The following ANK2 variants were observed in gnomAD, a reference collection of about 807,000 sequenced individuals.
ANK2 encodes ankyrin-2.
Under a neutral mutation model 360.5 loss-of-function variants are expected in ANK2, and 83 were observed. That is an observed-to-expected ratio of 0.23 (90% CI 0.19 to 0.28). The LOEUF (loss-of-function observed/expected upper bound fraction) is 0.28, where lower values mean the gene tolerates loss of function less well. Ranked by LOEUF, ANK2 falls within the 10% of genes least tolerant of loss-of-function variation. ANK2 has a pLI of 1.00. For synonymous variants in ANK2, 1,740 were observed against 1,759.5 expected, an observed-to-expected ratio of 0.99 and a Z score of 0.28; for missense variants, 4,201 against 4,795.7, an observed-to-expected ratio of 0.88 and a Z score of 3.66.
At chr4:112,768,072 T>C in the ANK2 span, among the ~76,000 whole-genome samples, 11 of 152,110 alleles carry the variant, frequency 7.2e-5, no homozygotes, top group Non-Finnish European at 1.5e-4. Flanking sequence ...GCAAGATTTG[T>C]TGAGTGGCTG....
the ANK2 span, among the ~76,000 whole-genome samples, chr4:112,759,583 C>T: frequency 1.3e-5 from 2 of 152,298 alleles, no homozygotes; most frequent in African/African-American, 4.8e-5. Context: ...TAAATTCCAT[C>T]TCAATAGTGT....
chr4:112,841,461 G>C (rs975357890), intron 1 of ANK2, among the ~76,000 whole-genome samples: 33 of 152,186 alleles, frequency 2.2e-4, no homozygotes, highest in African/African-American at 7.5e-4. Context: ...TTTTTCAGGA[G>C]CTATGTAACA....
chr4:113,219,690 A>G (rs1327237348), intron 4 of ANK2, among the ~76,000 whole-genome samples: 3 of 143,830 alleles, frequency 2.1e-5, no homozygotes, highest in Non-Finnish European at 3.2e-5. Flanking sequence ...TTCTCTGCAG[A>G]TGATGTGTCT....
intron 4 of ANK2, among the ~76,000 whole-genome samples, chr4:113,220,376 C>T (rs58959205): frequency 6.6e-6 from 1 of 152,138 alleles, no homozygotes; most frequent in Non-Finnish European, 1.5e-5. Context: ...CATAGGTACT[C>T]TAATGAAAAA....
chr4:113,226,591 A>G (rs2099225468), intron 4 of ANK2, among the ~76,000 whole-genome samples: 1 of 152,214 alleles, frequency 6.6e-6, no homozygotes, highest in Non-Finnish European at 1.5e-5. Context: ...AAAGTGTAAT[A>G]CAGAATTTTG....
the ANK2 span, among the ~76,000 whole-genome samples, chr4:112,793,633 A>G: frequency 6.6e-6 from 1 of 151,884 alleles, no homozygotes; most frequent in East Asian, 1.9e-4. Context: ...GTACTAAGAG[A>G]TGATTTTGTT....
chr4:113,094,206 T>A (rs1253903795), intron 1 of ANK2, among the ~76,000 whole-genome samples: 7 of 152,222 alleles, frequency 4.6e-5, no homozygotes, highest in Non-Finnish European at 1.0e-4. Flanking sequence ...TTTTAATATA[T>A]CTGCAAATCA....
intron 1 of ANK2, among the ~76,000 whole-genome samples, chr4:112,866,155 G>A (rs564464989): frequency 6.6e-6 from 1 of 152,178 alleles, no homozygotes; most frequent in Non-Finnish European, 1.5e-5. Context: ...TTGGAGTACA[G>A]AATACTCTTA....
At chr4:113,070,973 G>C (rs987955635) in intron 1 of ANK2, among the ~76,000 whole-genome samples, 17 of 151,672 alleles carry the variant, frequency 1.1e-4, no homozygotes, top group Admixed American at 8.6e-4. Flanking sequence ...AATGGTGATG[G>C]ATAAAGGAGA....
intron 2 of ANK2, among the ~76,000 whole-genome samples, chr4:112,962,595 T>A (rs2035394585): frequency 6.6e-6 from 1 of 152,152 alleles, no homozygotes; most frequent in African/African-American, 2.4e-5. Flanking sequence ...TTAGCTCTGT[T>A]TTAAGTCCTT....
At chr4:112,987,726 CTTAG>C (rs927235354) in intron 2 of ANK2, among the ~76,000 whole-genome samples, 28 of 151,824 alleles carry the variant, frequency 1.8e-4, no homozygotes, top group African/African-American at 6.5e-4. Flanking sequence ...TATTGCCTAA[CTTAG>C]TTAGGCAATA....
Position 113,258,418 on chromosome 4 carries a change from A to G in ANK2, c.1386+7A>G. On this transcript the variant is annotated splice_region_variant and intron_variant, in intron 13 of 45. Coordinates refer to ENST00000357077, the MANE Select transcript of ANK2 (RefSeq NM_001148.6). ...TCCAGATGTCACTAACATTGTGAGT[A>G]TGGCTTGGGTCAGAATAACCCCAGG... 2 of 1,610,774 alleles carry G rather than the reference A, an allele frequency of 1.2e-6. No individual in the cohort carries two copies. The highest frequency in any genetic ancestry group is 8.5e-7 in the Non-Finnish European group (1 of 1,176,978).
chr4:113,318,413 C>A (rs2084099438), intron 25 of ANK2, 104 bp from the exon 26 acceptor site: 5 of 890,754 alleles, frequency 5.6e-6, no homozygotes, highest in Non-Finnish European at 7.2e-6. Context: ...GTAAGTTTTT[C>A]TAGGTTATAC....
chr4:113,353,994 A>G lies in ANK2; in HGVS notation c.5376A>G (p.Lys1792=), dbSNP rs930905135. ...GAAGCAAGTTGCCCATCAGAGTCAA[A>G]GGCAAGGAGGACGTGCCAAAAAAGA... ...KGRSKLPIRV[K]GKEDVPKKTT... The change falls in exon 38 of 46, where the codon AAA becomes AAG. Residue 1792 remains lysine, a synonymous_variant. Coordinates refer to ENST00000357077, the MANE Select transcript of ANK2 (RefSeq NM_001148.6). 18 of 1,613,994 alleles carry G rather than the reference A, an allele frequency of 1.1e-5. No homozygotes were observed. The highest frequency in any genetic ancestry group is 1.5e-5 in the Non-Finnish European group (18 of 1,179,990).
intron 2 of ANK2, among the ~76,000 whole-genome samples, chr4:113,178,597 A>G (rs1296214916): frequency 6.6e-6 from 1 of 152,018 alleles, no homozygotes; most frequent in Non-Finnish European, 1.5e-5. Flanking sequence ...AAATTCCCCA[A>G]AGTAAATGCA....
intron 2 of ANK2, among the ~76,000 whole-genome samples, chr4:113,179,362 C>A (rs1040076432): frequency 2.0e-5 from 3 of 152,098 alleles, no homozygotes; most frequent in Non-Finnish European, 4.4e-5. Flanking sequence ...CATGTGTTGG[C>A]GTGCTAAGAT....
At chr4:112,833,508 A>ATT (rs34479387) in intron 1 of ANK2, among the ~76,000 whole-genome samples, 52,465 of 146,774 alleles carry the variant, frequency 0.36, 9,905 homozygotes, top group African/African-American at 0.47. Context: ...TGATTTATGT[A>ATT]TTTTTTTTTT....
intron 2 of ANK2, among the ~76,000 whole-genome samples, chr4:112,937,076 G>A (rs1021269369): frequency 1.3e-5 from 2 of 152,108 alleles, no homozygotes; most frequent in African/African-American, 4.8e-5. Flanking sequence ...ATAGACATGA[G>A]CCATCACGCC....
chr4:112,764,894 C>T, the ANK2 span, among the ~76,000 whole-genome samples: 3 of 150,494 alleles, frequency 2.0e-5, no homozygotes, highest in Admixed American at 1.3e-4. Flanking sequence ...TTAGTAGAGA[C>T]GGAGTTTCTC....
Sources: gnomAD v4.1 joint callset for allele counts (sites outside exome capture counted in the v4.1 genomes callset) on GRCh38, gnomAD v4.1.1 for gene constraint, MANE v1.5 for transcripts, NCBI Gene and HGNC (gene_info 2026-07-23, HGNC 2026-07-21) for gene names.